ARHGAP42: variants seen among roughly 807,000 people sequenced by gnomAD.
ARHGAP42 encodes the protein Rho GTPase activating protein 42.
ARHGAP42 carries 63 observed loss-of-function variants against 125.0 expected under a neutral mutation model. That is an observed-to-expected ratio of 0.50 (90% CI 0.41 to 0.62). The LOEUF (loss-of-function observed/expected upper bound fraction) is 0.62. Among genes scored for constraint, ARHGAP42 ranks in the 20% least tolerant of loss-of-function variants. ARHGAP42 has a pLI of 0.00. For missense variants in ARHGAP42, 766 were observed against 1,024.2 expected (o/e 0.75, Z 3.44); for synonymous variants, 339 against 351.0 (o/e 0.97, Z 0.38).
chr11:100,921,225 ATATATATATATATATATATATTTTTTTT>A (rs1218441153), intron 5 of ARHGAP42, among the ~76,000 whole-genome samples: 3 of 75,748 alleles, frequency 4.0e-5, no homozygotes, highest in Non-Finnish European at 7.4e-5. Context: ...ATATATATAT[ATATATATATATATATATATATTTTTTTT>A]TTTTTTTTTT....
chr11:100,807,375 T>C (rs1360802844), intron 3 of ARHGAP42, among the ~76,000 whole-genome samples: 2 of 151,990 alleles, frequency 1.3e-5, no homozygotes, highest in Admixed American at 1.3e-4. Flanking sequence ...TTTGTATTTT[T>C]AGTAGAGATA....
At chr11:100,954,275 T>C (rs1275676280) in intron 12 of ARHGAP42, among the ~76,000 whole-genome samples, 1 of 152,154 alleles carries the variant, frequency 6.6e-6, no homozygotes, top group East Asian at 1.9e-4. Flanking sequence ...TTCAAAAATA[T>C]TCCATTGTGC....
At chr11:100,969,560 A>G (rs1365251427) in intron 17 of ARHGAP42, among the ~76,000 whole-genome samples, 1 of 151,492 alleles carries the variant, frequency 6.6e-6, no homozygotes, top group African/African-American at 2.4e-5. Flanking sequence ...CTTTCTCTCC[A>G]TTCCTCAGAT....
At chr11:100,924,911 T>G (rs1431800800) in intron 6 of ARHGAP42, among the ~76,000 whole-genome samples, 2 of 151,988 alleles carry the variant, frequency 1.3e-5, no homozygotes, top group African/African-American at 4.8e-5. Flanking sequence ...CACTGCAACC[T>G]CCACCTGCCA....
At chr11:100,956,999 AATAATG>A (rs1857822788) in intron 12 of ARHGAP42, among the ~76,000 whole-genome samples, 1 of 152,138 alleles carries the variant, frequency 6.6e-6, no homozygotes, top group Non-Finnish European at 1.5e-5. Flanking sequence ...TCTAGTCAAT[AATAATG>A]ATAATGATAA....
intron 3 of ARHGAP42, among the ~76,000 whole-genome samples, chr11:100,825,201 T>C (rs147594666): frequency 1.5e-3 from 226 of 152,322 alleles, no homozygotes; most frequent in Middle Eastern, 0.01. Flanking sequence ...AATAATTAAG[T>C]AATGTAGATG....
Position 100,992,248 on chromosome 11 carries a change from A to G in ARHGAP42, c.*3447A>G. 6.6e-7 allele frequency: 1 copy of G among 1,525,624 alleles called. No individual in the cohort carries two copies. Among genetic ancestry groups the G allele is most frequent in the Non-Finnish European group, 8.8e-7 (1 of 1,140,078 alleles). 94.5% of individuals were successfully genotyped at this position (1,525,624 alleles called of 1,614,324 possible). A position where few individuals can be genotyped will look rare whatever the true frequency, so the allele number is the denominator to read the frequency against. On this transcript the variant is annotated 3_prime_UTR_variant, in exon 24 of 24. Transcript: ENST00000298815. ...TTTGACTAAAGTCAGAGGCAGACCA[A>G]TTTAGGGAACAGATTTTGTTCTTTG...
chr11:100,956,976 A>G (rs1020467783), intron 12 of ARHGAP42, among the ~76,000 whole-genome samples: 1 of 152,088 alleles, frequency 6.6e-6, no homozygotes, highest in South Asian at 2.1e-4. Context: ...ATATGTAGAG[A>G]TTTGCATTCT....
At chr11:100,742,979 C>T (rs1328368790) in intron 1 of ARHGAP42, among the ~76,000 whole-genome samples, 1 of 152,146 alleles carries the variant, frequency 6.6e-6, no homozygotes, top group African/African-American at 2.4e-5. Context: ...AGGTGAGTCT[C>T]TTGAAGACAG....
intron 20 of ARHGAP42, 92 bp from the exon 21 acceptor site, chr11:100,976,723 A>G (rs1164299791): frequency 8.2e-6 from 12 of 1,458,554 alleles, no homozygotes; most frequent in South Asian, 2.7e-5. Flanking sequence ...GGGCTCAGAG[A>G]AAAATGCTTC....
chr11:100,936,228 G>C lies in ARHGAP42; in HGVS notation c.728G>C (p.Arg243Pro). 6.4e-7 allele frequency: 1 copy of C among 1,551,670 alleles called. No homozygotes were observed. Among genetic ancestry groups the C allele is most frequent in the Non-Finnish European group, 8.7e-7 (1 of 1,146,920 alleles). The change falls in exon 8 of 24, where the codon CGA (arginine) becomes CCA (proline). Residue 243 changes from arginine to proline, a missense_variant. Physicochemically the swap from Arg to Pro is moderately radical, Grantham distance 103. Coordinates refer to ENST00000298815, the MANE Select transcript of ARHGAP42 (RefSeq NM_152432.4). ...ACAAGGAATAATTTTGAAAGTACTC[G>C]ACAAGAGGTAGAGCGGTTGATGCAA... ...QNTRNNFEST[R>P]QEVERLMQRM...
intron 4 of ARHGAP42, among the ~76,000 whole-genome samples, chr11:100,870,771 G>A (rs970066113): frequency 5.3e-5 from 8 of 152,082 alleles, no homozygotes; most frequent in Admixed American, 5.2e-4. Flanking sequence ...CAAGCATTTG[G>A]AATCGGTAGA....
intron 4 of ARHGAP42, among the ~76,000 whole-genome samples, chr11:100,879,248 G>T (rs1865899063): frequency 1.3e-5 from 2 of 152,082 alleles, no homozygotes; most frequent in Admixed American, 6.5e-5. Flanking sequence ...CACTTTTTTG[G>T]TATCCACATC....
At chr11:100,855,439 G>T (rs1051079521) in intron 3 of ARHGAP42, among the ~76,000 whole-genome samples, 3 of 151,990 alleles carry the variant, frequency 2.0e-5, no homozygotes, top group African/African-American at 7.2e-5. Flanking sequence ...TTATTCCATT[G>T]CTACTTTTTT....
In ARHGAP42 at chr11:100,870,632, A is replaced by G. The variant is rs542595486; in HGVS notation, c.384+11007A>G. Among the ~76,000 whole-genome samples, 38 of 152,328 alleles carry G rather than the reference A, an allele frequency of 2.5e-4. No individual in the cohort carries two copies. In the South Asian group the frequency reaches 7.7e-3, roughly 31 times the overall value. ...AAACTTAAATGGTGAGAAATATTCT[A>G]AAGTACTTAGGAAACGTGATATTGA... On this transcript the variant is annotated intron_variant, in intron 4 of 23. Transcript: ENST00000298815.
At chr11:100,707,911 T>C (rs1387002110) in intron 1 of ARHGAP42, among the ~76,000 whole-genome samples, 2 of 152,204 alleles carry the variant, frequency 1.3e-5, no homozygotes, top group Non-Finnish European at 2.9e-5. Flanking sequence ...ATAGACTGAT[T>C]TGTACATACT....
intron 4 of ARHGAP42, among the ~76,000 whole-genome samples, chr11:100,905,498 G>T (rs1183857678): frequency 4.6e-5 from 7 of 152,074 alleles, no homozygotes. Flanking sequence ...TATATCATTT[G>T]ATTACATTTT....
At chr11:100,960,270 A>T (rs1235140635) in intron 13 of ARHGAP42, among the ~76,000 whole-genome samples, 1 of 150,110 alleles carries the variant, frequency 6.7e-6, no homozygotes, top group Non-Finnish European at 1.5e-5. Flanking sequence ...TAAGATTCTT[A>T]AGGAGCTTGT....
intron 6 of ARHGAP42, among the ~76,000 whole-genome samples, chr11:100,929,347 A>C (rs1488072917): frequency 1.3e-5 from 2 of 152,158 alleles, no homozygotes; most frequent in Non-Finnish European, 2.9e-5. Flanking sequence ...ACCGGCCACA[A>C]ATGACCTTTA....
Sources: allele counts gnomAD v4.1 joint callset (sites outside exome capture counted in the v4.1 genomes callset), GRCh38; gene constraint gnomAD v4.1.1; transcripts MANE v1.5; gene names NCBI Gene and HGNC (gene_info 2026-07-23, HGNC 2026-07-21).